Variants in BCAT1 observed in about 807,000 individuals in gnomAD.
The protein encoded by BCAT1 is branched-chain-amino-acid aminotransferase, cytosolic.
BCAT1 carries 48 observed loss-of-function variants against 52.4 expected under a neutral mutation model. The observed-to-expected ratio is 0.92, with a 90% confidence interval of 0.73 to 1.16. The LOEUF is 1.16. Ranked by LOEUF, BCAT1 falls within the 50% of genes most tolerant of loss-of-function variation. The pLI, the probability that BCAT1 is intolerant of heterozygous loss-of-function variation, is 0.00. For synonymous variants in BCAT1, 167 were observed against 161.3 expected (o/e 1.04, Z -0.27); for missense variants, 451 against 457.1 (o/e 0.99, Z 0.12).
intron 1 of BCAT1, among the ~76,000 whole-genome samples, chr12:24,942,007 T>C (rs1943856007): frequency 6.6e-6 from 1 of 152,204 alleles, no homozygotes; most frequent in Non-Finnish European, 1.5e-5. Flanking sequence ...AACGGTCTCA[T>C]GCACTAAACT....
chr12:24,888,022 A>G (rs533251036), intron 3 of BCAT1, among the ~76,000 whole-genome samples: 1 of 152,338 alleles, frequency 6.6e-6, no homozygotes, highest in South Asian at 2.1e-4. Flanking sequence ...AAAAAATGAA[A>G]CTATTATTGA....
rs1943982576 is a variant in BCAT1, at chr12:24,949,052, C to T, written c.-120G>A. The T allele has an allele frequency of 1.9e-6, 2 of 1,028,264 alleles. No homozygotes were observed. Among genetic ancestry groups the T allele is most frequent in the East Asian group, 5.3e-5 (2 of 37,404 alleles). The allele number at this position is 1,028,264 out of a possible 1,614,324, so 63.7% of individuals were successfully genotyped here. A position where few individuals can be genotyped will look rare whatever the true frequency, so the allele number is the denominator to read the frequency against. On this transcript the variant is annotated 5_prime_UTR_variant, in exon 1 of 11. Transcript: ENST00000261192. ...AGCGCGGTCCCGGCTGCAGCAAGACCTGGGGCAGTGCCCGAGGCGGCGGCG... is the reference window on the plus strand; with the variant it reads ...AGCGCGGTCCCGGCTGCAGCAAGACTTGGGGCAGTGCCCGAGGCGGCGGCG...
At chr12:24,913,432 T>A (rs543449511) in intron 1 of BCAT1, among the ~76,000 whole-genome samples, 19 of 152,224 alleles carry the variant, frequency 1.2e-4, no homozygotes, top group Non-Finnish European at 2.8e-4. Flanking sequence ...TTGACCACAG[T>A]GCAAACGTTG....
In BCAT1 at chr12:24,817,964, A is replaced by G. The variant is rs1266156296; in HGVS notation, c.*44T>C. On this transcript the variant is annotated 3_prime_UTR_variant, in exon 11 of 11. Coordinates refer to ENST00000261192, the MANE Select transcript of BCAT1 (RefSeq NM_005504.7). The stretch of plus-strand genomic sequence containing the variant: ...ATGCAACAGTCTGTCCCAGTAGCAT[A>G]CAGTTGGTATCCTCTATTTTCCATT... 1 of 1,592,118 alleles carries G rather than the reference A, an allele frequency of 6.3e-7. No homozygotes were observed. The highest frequency in any genetic ancestry group is 1.3e-5 in the African/African-American group (1 of 74,558).
chr12:24,847,200 G>A (rs141826391), intron 6 of BCAT1, among the ~76,000 whole-genome samples: 1 of 152,318 alleles, frequency 6.6e-6, no homozygotes, highest in Non-Finnish European at 1.5e-5. Flanking sequence ...TGTTTTTAAA[G>A]ACTTCAGGTT....
intron 1 of BCAT1, among the ~76,000 whole-genome samples, chr12:24,940,046 C>T (rs1273704654): frequency 2.6e-5 from 4 of 152,048 alleles, no homozygotes; most frequent in Non-Finnish European, 4.4e-5. Context: ...TTTATCTCTA[C>T]CTGAGAGCTT....
chr12:24,865,312 A>G (rs550902351), intron 5 of BCAT1, among the ~76,000 whole-genome samples: 2 of 152,346 alleles, frequency 1.3e-5, no homozygotes, highest in Admixed American at 1.3e-4. Context: ...CCATCTTAGT[A>G]ACTGATTACT....
At chr12:24,828,561 C>T (rs1440856273) in intron 10 of BCAT1, among the ~76,000 whole-genome samples, 1 of 151,954 alleles carries the variant, frequency 6.6e-6, no homozygotes, top group Non-Finnish European at 1.5e-5. Flanking sequence ...AATTATGGTA[C>T]ATCAATATAA....
intron 1 of BCAT1, among the ~76,000 whole-genome samples, chr12:24,911,536 T>C (rs1943326966): frequency 6.6e-6 from 1 of 152,230 alleles, no homozygotes; most frequent in African/African-American, 2.4e-5. Context: ...TCCCACATGT[T>C]AGAGGAAAAA....
At chr12:24,937,898 G>A (rs369336036) in intron 1 of BCAT1, among the ~76,000 whole-genome samples, 6 of 152,178 alleles carry the variant, frequency 3.9e-5, no homozygotes, top group Admixed American at 3.3e-4. Context: ...CATAGGACTT[G>A]ATGGAATTTG....
chr12:24,901,867 A>G lies in BCAT1; in HGVS notation c.25T>C (p.Ser9Pro), dbSNP rs763977574. The change falls in exon 2 of 11, where the codon TCC becomes CCC. Residue 9 changes from serine (S) to proline (P), a missense_variant. Coordinates refer to ENST00000261192, the MANE Select transcript of BCAT1 (RefSeq NM_005504.7). MKDCSNGC[S>P]AECTGEGGSK... is the part of the protein sequence containing the mutation. The stretch of plus-strand genomic sequence containing the variant: ...CCTCCTTCTCCGGTACACTCTGCGG[A>G]GCATCCGTTACTGCAATCCTTAAAG... 3 of 1,613,994 alleles carry G rather than the reference A, an allele frequency of 1.9e-6. No individual in the cohort carries two copies. The highest frequency in any genetic ancestry group is 2.5e-6 in the Non-Finnish European group (3 of 1,179,904).
At chr12:24,909,804 T>C (rs1307484482) in intron 1 of BCAT1, among the ~76,000 whole-genome samples, 1 of 152,196 alleles carries the variant, frequency 6.6e-6, no homozygotes, top group African/African-American at 2.4e-5. Flanking sequence ...TTCTTCCTCT[T>C]GGAAGGATCT....
At chr12:24,827,709 T>C (rs1376776872) in intron 10 of BCAT1, among the ~76,000 whole-genome samples, 1 of 152,154 alleles carries the variant, frequency 6.6e-6, no homozygotes, top group African/African-American at 2.4e-5. Context: ...CAAGAATCAC[T>C]TGAACCCAGG....
At chr12:24,832,637 C>G in intron 9 of BCAT1, 86 bp downstream of exon 9, 1 of 1,409,930 alleles carries the variant, frequency 7.1e-7, no homozygotes, top group Non-Finnish European at 9.5e-7. Flanking sequence ...GGGTCTGGGT[C>G]CAGATACAAT....
intron 1 of BCAT1, among the ~76,000 whole-genome samples, chr12:24,921,064 G>C (rs1248369973): frequency 6.6e-6 from 1 of 152,004 alleles, no homozygotes; most frequent in Non-Finnish European, 1.5e-5. Flanking sequence ...CACGTGTTCA[G>C]CACAGGAGGC....
At chr12:24,898,040 G>A (rs1350968853) in intron 2 of BCAT1, among the ~76,000 whole-genome samples, 2 of 152,064 alleles carry the variant, frequency 1.3e-5, no homozygotes, top group East Asian at 1.9e-4. Flanking sequence ...AAGTTCAAAC[G>A]TAAACAAGCA....
chr12:24,911,478 G>A (rs941225203), intron 1 of BCAT1, among the ~76,000 whole-genome samples: 2 of 152,214 alleles, frequency 1.3e-5, no homozygotes, highest in African/African-American at 4.8e-5. Flanking sequence ...CACACAGAAT[G>A]AGCACGTGCC....
intron 1 of BCAT1, among the ~76,000 whole-genome samples, chr12:24,942,981 G>T (rs141626158): frequency 5.8e-4 from 88 of 152,310 alleles, no homozygotes; most frequent in African/African-American, 2.0e-3. Context: ...GCAGCGTGAA[G>T]CTTCTGCTTA....
At chr12:24,844,561 C>G (rs4963810) in intron 6 of BCAT1, among the ~76,000 whole-genome samples, 146,162 of 152,244 alleles carry the variant, frequency 0.96, 70,437 homozygotes, top group East Asian at 1. Context: ...TGGTGATTGC[C>G]ATTGGAGCAC....
Sources: allele counts gnomAD v4.1 joint callset (sites outside exome capture counted in the v4.1 genomes callset), GRCh38; gene constraint gnomAD v4.1.1; transcripts MANE v1.5; gene names NCBI Gene and HGNC (gene_info 2026-07-23, HGNC 2026-07-21).